GALNTL6: variants seen among roughly 807,000 people sequenced by gnomAD.
GALNTL6 encodes the protein polypeptide N-acetylgalactosaminyltransferase like 6, also known as polypeptide N-acetylgalactosaminyltransferase-like 6.
In GALNTL6, 46 loss-of-function variants were observed where a neutral mutation model predicts 73.7. The observed-to-expected ratio is 0.62, with a 90% CI of 0.49 to 0.80. The LOEUF (loss-of-function observed/expected upper bound fraction) is 0.80. GALNTL6 is among the 30% of genes least tolerant of loss of function. The probability of loss-of-function intolerance (pLI) is 0.00; values close to 1 mark genes in which losing one functional copy is unlikely to be tolerated. For synonymous variants in GALNTL6, 259 were observed against 263.7 expected (o/e 0.98, Z 0.17); for missense variants, 604 against 755.0 (o/e 0.80, Z 2.34).
chr4:172,980,815 C>A (rs1751032453), intron 10 of GALNTL6, among the ~76,000 whole-genome samples: 1 of 152,160 alleles, frequency 6.6e-6, no homozygotes, highest in African/African-American at 2.4e-5. Flanking sequence ...GAGAGAGGGG[C>A]ACAATTCAGT....
intron 5 of GALNTL6, among the ~76,000 whole-genome samples, chr4:172,688,754 C>G (rs1416846757): frequency 6.6e-6 from 1 of 152,194 alleles, no homozygotes; most frequent in East Asian, 1.9e-4. Flanking sequence ...ATTGGTATAC[C>G]ATACTTGGAT....
chr4:171,893,986 G>T (rs1445839855), intron 2 of GALNTL6, among the ~76,000 whole-genome samples: 1 of 115,806 alleles, frequency 8.6e-6, no homozygotes, highest in Non-Finnish European at 1.7e-5. Flanking sequence ...AAGAGCTTGG[G>T]GTTGAAACTA....
chr4:172,840,530 A>C (rs1284591027), intron 7 of GALNTL6, among the ~76,000 whole-genome samples: 2 of 152,178 alleles, frequency 1.3e-5, no homozygotes, highest in Admixed American at 1.3e-4. Context: ...CCATTCATCC[A>C]TTCATTTGTT....
At chr4:171,815,946 T>C (rs1323631801) in intron 2 of GALNTL6, 1 of 152,172 alleles carries the variant, frequency 6.6e-6, no homozygotes, top group Non-Finnish European at 1.5e-5. Flanking sequence ...AGGAAAAATG[T>C]TGACATATTT....
intron 5 of GALNTL6, among the ~76,000 whole-genome samples, chr4:172,601,801 A>G (rs963418936): frequency 3.9e-5 from 6 of 152,160 alleles, no homozygotes; most frequent in African/African-American, 1.4e-4. Context: ...GTTAAGATCT[A>G]TAGGAAAAAT....
chr4:172,382,446 T>C (rs75372037), intron 5 of GALNTL6, among the ~76,000 whole-genome samples: 14,603 of 152,232 alleles, frequency 0.096, 800 homozygotes, highest in East Asian at 0.18. Flanking sequence ...GCCTATTTTT[T>C]AATTTCTTCT....
At chr4:172,542,289 A>G (rs1438677212) in intron 5 of GALNTL6, among the ~76,000 whole-genome samples, 1 of 152,020 alleles carries the variant, frequency 6.6e-6, no homozygotes, top group Non-Finnish European at 1.5e-5. Flanking sequence ...TAATCTTATT[A>G]TGCACACAGG....
chr4:172,675,159 A>G (rs1464218768), intron 5 of GALNTL6, among the ~76,000 whole-genome samples: 5 of 151,248 alleles, frequency 3.3e-5, no homozygotes, highest in Non-Finnish European at 4.4e-5. Flanking sequence ...CTTTTGTCCT[A>G]TGATGATGAT....
At chr4:172,408,622 A>C (rs1744320156) in intron 5 of GALNTL6, among the ~76,000 whole-genome samples, 1 of 151,374 alleles carries the variant, frequency 6.6e-6, no homozygotes, top group African/African-American at 2.4e-5. Flanking sequence ...TTCAGATTCT[A>C]CCCTCATTGC....
intron 2 of GALNTL6, among the ~76,000 whole-genome samples, chr4:171,952,994 A>G (rs1236595705): frequency 2.6e-5 from 4 of 152,188 alleles, no homozygotes; most frequent in Non-Finnish European, 1.5e-5. Context: ...CAAAAAGAAA[A>G]TATATTTTTA....
At chr4:171,834,092 G>A (rs530235465) in intron 2 of GALNTL6, among the ~76,000 whole-genome samples, 1 of 151,674 alleles carries the variant, frequency 6.6e-6, no homozygotes, top group Non-Finnish European at 1.5e-5. Context: ...ATATTTCCTG[G>A]CTTTGGGATA....
chr4:172,530,146 C>A (rs578240068), intron 5 of GALNTL6, among the ~76,000 whole-genome samples: 10 of 152,000 alleles, frequency 6.6e-5, no homozygotes, highest in Non-Finnish European at 8.8e-5. Flanking sequence ...ACTGAAAACT[C>A]GAAGCTACCA....
At chr4:172,522,738 A>G (rs1427262432) in intron 5 of GALNTL6, among the ~76,000 whole-genome samples, 20 of 144,036 alleles carry the variant, frequency 1.4e-4, no homozygotes, top group Non-Finnish European at 1.5e-5. Context: ...TTTTCATTCA[A>G]TGTTGATTTA....
At chr4:172,129,813 A>G (rs971905574) in intron 2 of GALNTL6, among the ~76,000 whole-genome samples, 3 of 152,218 alleles carry the variant, frequency 2.0e-5, no homozygotes, top group African/African-American at 7.2e-5. Flanking sequence ...TAAGAGTCCT[A>G]GAATCCAAGA....
chr4:172,606,643 A>ATATATAGTATATATATAC (rs1738301468), intron 5 of GALNTL6, among the ~76,000 whole-genome samples: 4 of 35,764 alleles, frequency 1.1e-4, no homozygotes, highest in African/African-American at 2.5e-4. Context: ...TATATATACT[A>ATATATAGTATATATATAC]TATATATAGT....
At chr4:172,742,021 C>T (rs1034976769) in intron 5 of GALNTL6, among the ~76,000 whole-genome samples, 1 of 151,902 alleles carries the variant, frequency 6.6e-6, no homozygotes, top group Admixed American at 6.6e-5. Flanking sequence ...ATATACTACA[C>T]TGCATACATA....
At chr4:172,136,648 T>A (rs1444334624) in intron 2 of GALNTL6, among the ~76,000 whole-genome samples, 1 of 151,758 alleles carries the variant, frequency 6.6e-6, no homozygotes, top group Non-Finnish European at 1.5e-5. Flanking sequence ...AATGTTAATT[T>A]AGTTTATTTT....
At chr4:172,190,879 A>G (rs1010290603) in intron 2 of GALNTL6, among the ~76,000 whole-genome samples, 2 of 152,166 alleles carry the variant, frequency 1.3e-5, no homozygotes, top group Non-Finnish European at 2.9e-5. Context: ...GGAGTTGACT[A>G]CTTCTCTTTA....
chr4:172,818,985 C>G (rs1049608745), intron 7 of GALNTL6, among the ~76,000 whole-genome samples: 1 of 152,192 alleles, frequency 6.6e-6, no homozygotes, highest in Admixed American at 6.5e-5. Flanking sequence ...GGGCCAATAT[C>G]TAGCCTTCAA....
Sources: gnomAD v4.1 joint callset for allele counts (sites outside exome capture counted in the v4.1 genomes callset) on GRCh38, gnomAD v4.1.1 for gene constraint, MANE v1.5 for transcripts, NCBI Gene and HGNC (gene_info 2026-07-23, HGNC 2026-07-21) for gene names.